The following ZNHIT6 variants were observed in gnomAD, a reference collection of about 807,000 sequenced individuals.
ZNHIT6 encodes the protein box C/D snoRNA protein 1.
A neutral mutation model predicts 57.2 loss-of-function variants in ZNHIT6; 45 were observed. That is an observed-to-expected ratio of 0.79 (90% CI 0.62 to 1.01). ZNHIT6 has a LOEUF of 1.01. Ranked by LOEUF, ZNHIT6 falls within the 50% of genes least tolerant of loss-of-function variation. The probability of loss-of-function intolerance (pLI) is 0.00; values close to 1 mark genes in which losing one functional copy is unlikely to be tolerated. For missense variants in ZNHIT6, 528 were observed against 567.3 expected (o/e 0.93, Z 0.70); for synonymous variants, 188 against 190.0 (o/e 0.99, Z 0.09).
At position 85,707,908 on chromosome 1, in the gene ZNHIT6, A is replaced by G. The variant is rs755868986; in HGVS notation, c.377T>C (p.Val126Ala). Reference protein sequence around the residue: ...EVKQETDSSLVVKEAKVGEPE... With the variant: ...EVKQETDSSLAVKEAKVGEPE... ...TTCACCCACCTTCGCTTCTTTTACC[A>G]CTAAACTACTATCCGTCTCCTGCTT... is the stretch of plus-strand genomic sequence containing the variant. The change falls in exon 1 of 10, where the codon GTG (valine) becomes GCG (alanine). Residue 126 changes from valine to alanine, a missense_variant. By Grantham distance (64) the Val-to-Ala change is moderately conservative. Coordinates refer to ENST00000370574, the MANE Select transcript of ZNHIT6 (RefSeq NM_017953.4). 14 of 1,613,250 alleles carry G rather than the reference A, an allele frequency of 8.7e-6. No individual in the cohort carries two copies. The South Asian group carries it at 8.8e-5, about 10-fold the overall frequency.
chr1:85,687,288 C>CAAA lies in ZNHIT6; in HGVS notation c.1020-6387_1020-6385dup, dbSNP rs1358501791. 2.7e-5 allele frequency among the ~76,000 whole-genome samples: 2 copies of CAAA among 75,226 alleles called. 1 individual carries two copies. The highest frequency in any genetic ancestry group is 4.6e-5 in the Non-Finnish European group (2 of 43,232). 49.4% of individuals were successfully genotyped at this position (75,226 alleles called of 152,430 possible). ...AGAGTGAGAAGACTATCTCAAAAAA[C>CAAA]AAAAAAAAAACAAAAAAAAAAAACA... is the stretch of plus-strand genomic sequence containing the variant. On this transcript the variant is annotated intron_variant, in intron 5 of 9. Coordinates refer to ENST00000370574, the MANE Select transcript of ZNHIT6 (RefSeq NM_017953.4).
At chr1:85,683,912 T>C (rs1221940328) in intron 5 of ZNHIT6, among the ~76,000 whole-genome samples, 7 of 151,936 alleles carry the variant, frequency 4.6e-5, no homozygotes, top group Admixed American at 3.9e-4. Flanking sequence ...AGATGAGTGT[T>C]CCACTAGGAA....
At position 85,650,555 on chromosome 1, in the gene ZNHIT6, G is replaced by A. The variant is rs568473749; in HGVS notation, c.*3503C>T. 7 of 152,238 alleles carry A rather than the reference G, an allele frequency of 4.6e-5. No homozygotes were observed. Among genetic ancestry groups the A allele is most frequent in the Non-Finnish European group, 7.4e-5 (5 of 68,008 alleles). The allele number at this position is 152,238 out of a possible 1,614,324, so 9.4% of individuals were successfully genotyped here. A position where few individuals can be genotyped will look rare whatever the true frequency, so the allele number is the denominator to read the frequency against. Reference sequence around the variant, plus strand: ...AGTACAGCTTAGTCCATTTTGTGTCGCTATAATAGAATATCTAAGACTGGG... The same window carrying A: ...AGTACAGCTTAGTCCATTTTGTGTCACTATAATAGAATATCTAAGACTGGG... On this transcript the variant is annotated 3_prime_UTR_variant, in exon 10 of 10. Coordinates refer to ENST00000370574, the MANE Select transcript of ZNHIT6 (RefSeq NM_017953.4).
intron 8 of ZNHIT6, among the ~76,000 whole-genome samples, chr1:85,676,935 T>C (rs1661720660): frequency 6.6e-6 from 1 of 152,154 alleles, no homozygotes; most frequent in South Asian, 2.1e-4. Context: ...TTGTAAAGAA[T>C]GCAATACCTG....
chr1:85,705,784 C>G (rs1662667450), intron 4 of ZNHIT6, among the ~76,000 whole-genome samples: 1 of 152,152 alleles, frequency 6.6e-6, no homozygotes, highest in South Asian at 2.1e-4. Context: ...GACAATCTCT[C>G]CCCAACAAAG....
intron 8 of ZNHIT6, among the ~76,000 whole-genome samples, chr1:85,659,673 T>A (rs890750840): frequency 8.5e-5 from 13 of 152,316 alleles, no homozygotes; most frequent in African/African-American, 2.6e-4. Context: ...CATAGCTGAG[T>A]AAGACATGCA....
intron 5 of ZNHIT6, among the ~76,000 whole-genome samples, chr1:85,695,235 T>A (rs1257822655): frequency 1.3e-5 from 2 of 151,912 alleles, no homozygotes; most frequent in African/African-American, 4.8e-5. Context: ...ACCACTGCAC[T>A]CCAGCCTGGG....
chr1:85,656,850 A>G lies in ZNHIT6; in HGVS notation c.1372+997T>C, dbSNP rs188815473. Among the ~76,000 whole-genome samples, 59 of 152,260 alleles carry G rather than the reference A, an allele frequency of 3.9e-4. No homozygotes were observed. The East Asian group carries it at 6.6e-3, about 17-fold the overall frequency. On this transcript the variant is annotated intron_variant, in intron 9 of 9. Transcript: ENST00000370574. ...TTTTTTCTATTAATTTTTGCAAAGAAAAAACACTACGCACAACAGAGAATA... is the reference window on the plus strand; with the variant it reads ...TTTTTTCTATTAATTTTTGCAAAGAGAAAACACTACGCACAACAGAGAATA...
In ZNHIT6 at chr1:85,708,351, G is replaced by C; in HGVS notation, c.-67C>G. 1 of 1,515,880 alleles carries C rather than the reference G, an allele frequency of 6.6e-7. No homozygotes were observed. Among genetic ancestry groups the C allele is most frequent in the Non-Finnish European group, 8.8e-7 (1 of 1,133,984 alleles). The allele number at this position is 1,515,880 out of a possible 1,614,324, so 93.9% of individuals were successfully genotyped here. On this transcript the variant is annotated 5_prime_UTR_variant, in exon 1 of 10. Coordinates refer to ENST00000370574, the MANE Select transcript of ZNHIT6 (RefSeq NM_017953.4). ...ATGTGGCTGCTGCACACCAATAGGA[G>C]GAATTACCGGTCGGAATACCTACGG...
intron 5 of ZNHIT6, among the ~76,000 whole-genome samples, chr1:85,699,873 C>G (rs922743689): frequency 9.9e-5 from 15 of 151,804 alleles, no homozygotes; most frequent in African/African-American, 3.4e-4. Flanking sequence ...GGTGGAATAC[C>G]CTATTTAAAA....
chr1:85,654,516 G>T (rs557627737), intron 9 of ZNHIT6, among the ~76,000 whole-genome samples: 3 of 152,148 alleles, frequency 2.0e-5, no homozygotes, highest in Admixed American at 6.5e-5. Flanking sequence ...CTAGCTAATC[G>T]CCATCTCCTT....
chr1:85,694,702 C>T (rs1335939879), intron 5 of ZNHIT6, among the ~76,000 whole-genome samples: 3 of 152,132 alleles, frequency 2.0e-5, no homozygotes, highest in Non-Finnish European at 2.9e-5. Context: ...CCTCGTGATC[C>T]GCCCGCCTTG....
intron 5 of ZNHIT6, among the ~76,000 whole-genome samples, chr1:85,683,619 CAT>C (rs946693314): frequency 3.3e-5 from 5 of 151,752 alleles, no homozygotes; most frequent in African/African-American, 1.2e-4. Flanking sequence ...TAAGTCCTGA[CAT>C]GTGTTCTTCT....
Position 85,707,747 on chromosome 1 carries a change from C to G in ZNHIT6, c.538G>C (p.Glu180Gln). 1 of 1,614,120 alleles carries G rather than the reference C, an allele frequency of 6.2e-7. No individual in the cohort carries two copies. The highest frequency in any genetic ancestry group is 8.5e-7 in the Non-Finnish European group (1 of 1,180,002). Residue 180 changes from glutamate (E) to glutamine (Q), a missense_variant, in exon 1 of 10, where the codon GAG (glutamate) becomes CAG (glutamine). Physicochemically the swap from Glu to Gln is conservative, Grantham distance 29 (BLOSUM62 2). Coordinates refer to ENST00000370574, the MANE Select transcript of ZNHIT6 (RefSeq NM_017953.4). ...QCIKEELMHG[E>Q]CVKEEKDFLK... Reference sequence around the variant, plus strand: ...AAATCCTTCTCTTCTTTTACACACTCTCCATGCATCAATTCCTCTTTTATG... The same window carrying G: ...AAATCCTTCTCTTCTTTTACACACTGTCCATGCATCAATTCCTCTTTTATG...
chr1:85,707,849 CCTCTTCCTTTACCTT>C lies in ZNHIT6; in HGVS notation c.421_435del (p.Lys141_Glu145del), dbSNP rs967307435. 1.3e-5 allele frequency: 21 copies of C among 1,613,986 alleles called. No homozygotes were observed. The Admixed American group carries it at 1.5e-4, about 12-fold the overall frequency. ...TCCTTCACTTCTGACCAGTCCATTA[CCTCTTCCTTTACCTT>C]CTCTTCCTTTACCTCTGGTTCACCC... On this transcript the variant is annotated inframe_deletion, in exon 1 of 10. Coordinates refer to ENST00000370574, the MANE Select transcript of ZNHIT6 (RefSeq NM_017953.4).
At chr1:85,683,796 TTC>T (rs1323224151) in intron 5 of ZNHIT6, among the ~76,000 whole-genome samples, 1 of 152,158 alleles carries the variant, frequency 6.6e-6, no homozygotes, top group Non-Finnish European at 1.5e-5. Context: ...AGAGCAGGGT[TTC>T]TCAATCTCAG....
At chr1:85,681,822 G>T (rs1234034759) in intron 5 of ZNHIT6, among the ~76,000 whole-genome samples, 1 of 152,172 alleles carries the variant, frequency 6.6e-6, no homozygotes, top group Non-Finnish European at 1.5e-5. Context: ...CTAAAGGACA[G>T]ATGTCTAAAA....
chr1:85,654,757 A>G (rs1477346620), intron 9 of ZNHIT6, among the ~76,000 whole-genome samples: 1 of 152,208 alleles, frequency 6.6e-6, no homozygotes, highest in African/African-American at 2.4e-5. Flanking sequence ...CAAAATGGGA[A>G]CCGGAGTAAG....
At chr1:85,682,767 C>T (rs1661914457) in intron 5 of ZNHIT6, among the ~76,000 whole-genome samples, 1 of 152,176 alleles carries the variant, frequency 6.6e-6, no homozygotes, top group Non-Finnish European at 1.5e-5. Flanking sequence ...ACACTCAATG[C>T]ACCCATATTC....
Sources: gnomAD v4.1 joint callset for allele counts (sites outside exome capture counted in the v4.1 genomes callset) on GRCh38, gnomAD v4.1.1 for gene constraint, MANE v1.5 for transcripts, NCBI Gene and HGNC (gene_info 2026-07-23, HGNC 2026-07-21) for gene names.